Variants in ANKRD30BL observed in about 807,000 individuals in gnomAD.
ANKRD30BL encodes putative ankyrin repeat domain-containing protein 30B-like.
A neutral mutation model predicts 18.4 loss-of-function variants in ANKRD30BL; 20 were observed. The ratio of observed to expected loss-of-function variants is 1.09; its 90% CI spans 0.77 to 1.58. The LOEUF (loss-of-function observed/expected upper bound fraction) is 1.58, where lower values mean the gene tolerates loss of function less well. Among genes scored for constraint, ANKRD30BL ranks in the 40% most tolerant of loss-of-function variants. The pLI is 0.00. For missense variants in ANKRD30BL, 224 were observed against 268.6 expected, an observed-to-expected ratio of 0.83 and a Z score of 1.16; for synonymous variants, 72 against 100.9, an observed-to-expected ratio of 0.71 and a Z score of 1.72.
intron 1 of ANKRD30BL, among the ~76,000 whole-genome samples, chr2:132,203,269 A>G (rs1465458630): frequency 1.3e-5 from 2 of 152,234 alleles, no homozygotes; most frequent in African/African-American, 4.8e-5. Flanking sequence ...CTTTCAAATC[A>G]TTAGGGATCT....
intron 1 of ANKRD30BL, among the ~76,000 whole-genome samples, chr2:132,215,234 C>T (rs200077376): frequency 1.3e-5 from 2 of 152,238 alleles, no homozygotes; most frequent in Non-Finnish European, 2.9e-5. Flanking sequence ...GTGATGTGTG[C>T]ATTCATCTCA....
chr2:132,257,283 G>C (rs79113146), intron 1 of ANKRD30BL, among the ~76,000 whole-genome samples: 2 of 152,286 alleles, frequency 1.3e-5, no homozygotes, highest in African/African-American at 2.4e-5. Flanking sequence ...CACGGTCGTC[G>C]GCACCGGTCG....
At chr2:132,210,047 A>G (rs78787487) in intron 1 of ANKRD30BL, among the ~76,000 whole-genome samples, 3 of 152,116 alleles carry the variant, frequency 2.0e-5, no homozygotes, top group African/African-American at 7.2e-5. Context: ...AACTAGACAG[A>G]AACATTCTGA....
In ANKRD30BL at chr2:132,240,536, T is replaced by C. The variant is rs529730116; in HGVS notation, n.441+16993A>G. Reference sequence around the variant, plus strand: ...AGAATTCTCAGAAACTTCCTTTTGATGGGTGTACTCAACTCACAGAATTGA... The same window carrying C: ...AGAATTCTCAGAAACTTCCTTTTGACGGGTGTACTCAACTCACAGAATTGA... On this transcript the variant is annotated intron_variant and non_coding_transcript_variant, in intron 1 of 4. Coordinates refer to the ANKRD30BL transcript ENST00000470729. 5.3e-5 allele frequency among the ~76,000 whole-genome samples: 8 copies of C among 152,070 alleles called. No homozygotes were observed. The South Asian group carries it at 1.7e-3, about 32-fold the overall frequency.
chr2:132,238,550 T>A lies in ANKRD30BL; in HGVS notation n.441+18979A>T, dbSNP rs1680225066. Among the ~76,000 whole-genome samples the A allele has an allele frequency of 2.0e-5, 3 of 152,058 alleles. No homozygotes were observed. The South Asian group carries it at 6.2e-4, about 32-fold the overall frequency. ...TTTTCATGGAGCTGTTATGAAACAC[T>A]CTTTTTGTAGAATCTGTAAGTGGAA... On this transcript the variant is annotated intron_variant and non_coding_transcript_variant, in intron 1 of 4. Coordinates refer to the ANKRD30BL transcript ENST00000470729.
chr2:132,199,665 G>A (rs1211524582), intron 1 of ANKRD30BL, among the ~76,000 whole-genome samples: 1 of 151,892 alleles, frequency 6.6e-6, no homozygotes, highest in Non-Finnish European at 1.5e-5. Flanking sequence ...CACCACCACA[G>A]ACGGTTAATT....
chr2:132,187,174 T>G (rs1212501073), intron 1 of ANKRD30BL, among the ~76,000 whole-genome samples: 4 of 143,322 alleles, frequency 2.8e-5, no homozygotes, highest in Admixed American at 2.0e-4. Context: ...AGTTTTTTGT[T>G]TTTTTTTTTG....
At chr2:132,211,465 G>A (rs1573846592) in intron 1 of ANKRD30BL, among the ~76,000 whole-genome samples, 1 of 152,020 alleles carries the variant, frequency 6.6e-6, no homozygotes, top group Non-Finnish European at 1.5e-5. Flanking sequence ...TCACAGAGTT[G>A]AACCTTACCT....
intron 1 of ANKRD30BL, among the ~76,000 whole-genome samples, chr2:132,157,779 C>T (rs1347156432): frequency 6.6e-6 from 1 of 152,102 alleles, no homozygotes; most frequent in Admixed American, 6.6e-5. Flanking sequence ...ACTGTGATGC[C>T]TCATGAGAAT....
At chr2:132,231,597 G>A (rs1328171938) in intron 1 of ANKRD30BL, among the ~76,000 whole-genome samples, 2 of 152,140 alleles carry the variant, frequency 1.3e-5, no homozygotes, top group Non-Finnish European at 2.9e-5. Context: ...TGGAAAATCG[G>A]GTCACTCCCA....
At chr2:132,236,938 T>C (rs6717204) in intron 1 of ANKRD30BL, among the ~76,000 whole-genome samples, 10,764 of 151,652 alleles carry the variant, frequency 0.071, 1,246 homozygotes, top group African/African-American at 0.24. Flanking sequence ...TGGAATACTA[T>C]GCAGCCATAA....
intron 1 of ANKRD30BL, among the ~76,000 whole-genome samples, chr2:132,183,916 T>C (rs1183007305): frequency 6.6e-6 from 1 of 151,980 alleles, no homozygotes; most frequent in Non-Finnish European, 1.5e-5. Flanking sequence ...GGTCTCCTCA[T>C]TAGAGGGAAC....
At chr2:132,148,300 T>G in intron 5 of ANKRD30BL, 72 bp from the exon 6 acceptor site, 1 of 1,279,274 alleles carries the variant, frequency 7.8e-7, no homozygotes, top group East Asian at 2.6e-5. Context: ...CCTGGAAAAC[T>G]TCTACTCATT....
chr2:132,184,712 T>C (rs527236933), intron 1 of ANKRD30BL, among the ~76,000 whole-genome samples: 1 of 152,318 alleles, frequency 6.6e-6, no homozygotes, highest in African/African-American at 2.4e-5. Flanking sequence ...CCTTTTTTTT[T>C]TCTGATTTTG....
intron 1 of ANKRD30BL, among the ~76,000 whole-genome samples, chr2:132,215,320 C>T (rs945535915): frequency 6.6e-6 from 1 of 152,066 alleles, no homozygotes; most frequent in Non-Finnish European, 1.5e-5. Context: ...ACATGCGGAG[C>T]TCTTTGAGGC....
chr2:132,248,030 C>G (rs1038784121), intron 1 of ANKRD30BL, among the ~76,000 whole-genome samples: 2 of 152,050 alleles, frequency 1.3e-5, no homozygotes, highest in Non-Finnish European at 2.9e-5. Context: ...AAAGGTTCAA[C>G]TCTGATCAAG....
intron 1 of ANKRD30BL, among the ~76,000 whole-genome samples, chr2:132,182,052 T>C (rs2104948277): frequency 6.6e-6 from 1 of 151,492 alleles, no homozygotes; most frequent in African/African-American, 2.4e-5. Flanking sequence ...TGGAGGAGGT[T>C]GCTGTGAGCT....
intron 1 of ANKRD30BL, among the ~76,000 whole-genome samples, chr2:132,158,810 AT>A (rs1381783903): frequency 6.6e-6 from 1 of 150,926 alleles, no homozygotes; most frequent in Non-Finnish European, 1.5e-5. Flanking sequence ...TATAATAAAA[AT>A]ATGTGTCTAA....
At chr2:132,197,788 G>A (rs1329641687) in intron 1 of ANKRD30BL, among the ~76,000 whole-genome samples, 2 of 151,710 alleles carry the variant, frequency 1.3e-5, no homozygotes, top group South Asian at 2.1e-4. Context: ...TTATTTGAAA[G>A]GAACAGTGTT....
Sources: gnomAD v4.1 joint callset for allele counts (sites outside exome capture counted in the v4.1 genomes callset) on GRCh38, gnomAD v4.1.1 for gene constraint, MANE v1.5 for transcripts, NCBI Gene and HGNC (gene_info 2026-07-23, HGNC 2026-07-21) for gene names.